NEMP2: variants seen among roughly 807,000 people sequenced by gnomAD.
NEMP2 encodes nuclear envelope integral membrane protein 2.
A neutral mutation model predicts 54.2 loss-of-function variants in NEMP2; 53 were observed. The ratio of observed to expected loss-of-function variants is 0.98; its 90% confidence interval spans 0.78 to 1.23. The LOEUF (loss-of-function observed/expected upper bound fraction) is 1.23, where lower values mean the gene tolerates loss of function less well. Ranked by LOEUF, NEMP2 falls within the 50% of genes most tolerant of loss-of-function variation. NEMP2 has a pLI of 0.00. For synonymous variants in NEMP2, 197 were observed against 190.3 expected (o/e 1.04, Z -0.29); for missense variants, 455 against 511.3 (o/e 0.89, Z 1.06).
At chr2:190,569,698 T>C in the NEMP2 span, among the ~76,000 whole-genome samples, 7 of 152,242 alleles carry the variant, frequency 4.6e-5, no homozygotes, top group African/African-American at 1.7e-4. Context: ...ACATCTTGGA[T>C]ATAAAAGGAA....
At chr2:190,534,971 C>A (rs1691321587), upstream of NEMP2, 1 of 250,182 alleles carries the variant, frequency 4.0e-6, no homozygotes, top group Non-Finnish European at 7.6e-6. Flanking sequence ...TCCAGGGCCT[C>A]ATCTTCCCCT....
chr2:190,515,216 C>T (rs1429832849), intron 6 of NEMP2, among the ~76,000 whole-genome samples: 1 of 152,090 alleles, frequency 6.6e-6, no homozygotes, highest in Non-Finnish European at 1.5e-5. Context: ...TTATATCTAA[C>T]CAAGCCTTGA....
chr2:190,447,879 AATATCTTACCATGTAAT>A, the NEMP2 span, among the ~76,000 whole-genome samples: 2 of 152,222 alleles, frequency 1.3e-5, no homozygotes, highest in South Asian at 4.1e-4. The surrounding 1 kb of genome is among the most constrained non-coding windows in gnomAD (Gnocchi z 4.5). Flanking sequence ...TTTGCAAAGA[AATATCTTACCATGTAAT>A]ATAGCTACCA....
At chr2:190,532,481 T>C (rs1691179479) in intron 1 of NEMP2, among the ~76,000 whole-genome samples, 1 of 152,196 alleles carries the variant, frequency 6.6e-6, no homozygotes, top group Non-Finnish European at 1.5e-5. Flanking sequence ...ACATGGTTTC[T>C]AGGGACCTCA....
chr2:190,480,043 G>A, the NEMP2 span, among the ~76,000 whole-genome samples: 2 of 152,244 alleles, frequency 1.3e-5, no homozygotes, highest in East Asian at 3.9e-4. Flanking sequence ...TGCGCCTGTG[G>A]TCCCAGCTAC....
At chr2:190,465,759 G>A in the NEMP2 span, among the ~76,000 whole-genome samples, 10 of 152,104 alleles carry the variant, frequency 6.6e-5, no homozygotes, top group Non-Finnish European at 1.2e-4. The surrounding 1 kb of genome is among the most constrained non-coding windows in gnomAD (Gnocchi z 4.6). Flanking sequence ...TTGGGAGGCC[G>A]AGGCAGGTGG....
At position 190,514,635 on chromosome 2, in the gene NEMP2, G is replaced by C; in HGVS notation, c.771C>G (p.Tyr257Ter). The C allele has an allele frequency of 6.4e-7, 1 of 1,551,702 alleles. No individual in the cohort carries two copies. Among genetic ancestry groups the C allele is most frequent in the Non-Finnish European group, 8.7e-7 (1 of 1,146,998 alleles). Reference sequence around the variant, plus strand: ...TGTCGTCTGCAAGGGGCCCATGCTTGTAACAAACAACAAAGCTGAAAAATC... The same window carrying C: ...TGTCGTCTGCAAGGGGCCCATGCTTCTAACAAACAACAAAGCTGAAAAATC... ...IVGFFSFVVC[Y>*]KHGPLADDRS... is the part of the protein sequence containing the mutation. The change falls in exon 7 of 9, where the codon TAC (tyrosine) becomes TAG (stop). Residue 257 changes from tyrosine to a stop codon, truncating the protein, a stop_gained. Coordinates refer to ENST00000409150, the MANE Select transcript of NEMP2 (RefSeq NM_001142645.2). LOFTEE classifies it high-confidence loss of function. This position sits in a 1 kb window ranked among gnomAD's most constrained non-coding sequence, Gnocchi z 5.7.
At chr2:190,438,419 C>T in the NEMP2 span, among the ~76,000 whole-genome samples, 3 of 152,154 alleles carry the variant, frequency 2.0e-5, no homozygotes, top group Admixed American at 6.5e-5. The surrounding 1 kb of genome is among the most constrained non-coding windows in gnomAD (Gnocchi z 5.2). Context: ...GGGAGGCTGA[C>T]GCACAAGAAT....
At chr2:190,539,524 A>C (rs1299548709), upstream of NEMP2, among the ~76,000 whole-genome samples, 2 of 152,170 alleles carry the variant, frequency 1.3e-5, no homozygotes, top group African/African-American at 2.4e-5. This position sits in a 1 kb window ranked among gnomAD's most constrained non-coding sequence, Gnocchi z 4.1. Context: ...TTGAATTTGT[A>C]GATCACTTTG....
At chr2:190,556,022 A>G in the NEMP2 span, among the ~76,000 whole-genome samples, 18 of 152,260 alleles carry the variant, frequency 1.2e-4, no homozygotes, top group East Asian at 2.5e-3. Context: ...GAGACACAAC[A>G]AAAAAAGAAA....
Position 190,514,583 on chromosome 2 carries a change from GCATC to G in NEMP2, c.819_822del (p.Trp273CysfsTer24), listed in dbSNP as rs1559157802. On this transcript the variant is annotated frameshift_variant, in exon 7 of 9. Coordinates refer to ENST00000409150, the MANE Select transcript of NEMP2 (RefSeq NM_001142645.2). LOFTEE classifies it high-confidence loss of function. This position sits in a 1 kb window ranked among gnomAD's most constrained non-coding sequence, Gnocchi z 5.7. Reference sequence around the variant, plus strand: ...ACCAGAACCAGGGAGAGGAGTCGCAGCATCCACATCAGAAGACTTCTGCTCCTGT... The same window carrying G: ...ACCAGAACCAGGGAGAGGAGTCGCAGCACATCAGAAGACTTCTGCTCCTGT... 2.6e-6 allele frequency: 4 copies of G among 1,551,744 alleles called. No homozygotes were observed. In the South Asian group the frequency reaches 4.8e-5, roughly 18 times the overall value.
At chr2:190,634,406 T>C in the NEMP2 span, among the ~76,000 whole-genome samples, 1 of 152,188 alleles carries the variant, frequency 6.6e-6, no homozygotes, top group Non-Finnish European at 1.5e-5. This position sits in a 1 kb window ranked among gnomAD's most constrained non-coding sequence, Gnocchi z 6.8. Flanking sequence ...TTAAGAATAT[T>C]CAATTCTGCT....
In NEMP2 at chr2:190,528,607, G is replaced by A. The variant is rs545218521; in HGVS notation, c.98-3229C>T. 1.3e-5 allele frequency among the ~76,000 whole-genome samples: 2 copies of A among 152,256 alleles called. No homozygotes were observed. The highest frequency in any genetic ancestry group is 4.8e-5 in the African/African-American group (2 of 41,550). On this transcript the variant is annotated intron_variant, in intron 1 of 8. Coordinates refer to ENST00000409150, the MANE Select transcript of NEMP2 (RefSeq NM_001142645.2). This position sits in a 1 kb window ranked among gnomAD's most constrained non-coding sequence, Gnocchi z 4.3. ...CCACCCATGTGCTCAATGCTAGATG[G>A]GCTTTTCTTGTGGGTGCCTCCAAAG... is the stretch of plus-strand genomic sequence containing the variant.
chr2:190,431,457 C>T, the NEMP2 span, among the ~76,000 whole-genome samples: 2 of 152,258 alleles, frequency 1.3e-5, no homozygotes, highest in Non-Finnish European at 2.9e-5. This position sits in a 1 kb window ranked among gnomAD's most constrained non-coding sequence, Gnocchi z 4.4. Flanking sequence ...AATCCCGGCA[C>T]CTCTGGAGGC....
the NEMP2 span, among the ~76,000 whole-genome samples, chr2:190,431,698 AG>A: frequency 1.1e-5 from 1 of 92,252 alleles, no homozygotes; most frequent in Non-Finnish European, 3.2e-5. This position sits in a 1 kb window ranked among gnomAD's most constrained non-coding sequence, Gnocchi z 4.4. Context: ...CCGTGGAAAG[AG>A]AGGGAGAGGG....
rs990195742 is a variant in NEMP2, at chr2:190,530,715, T to C, written c.97+3844A>G. Among the ~76,000 whole-genome samples, 49 of 152,248 alleles carry C rather than the reference T, an allele frequency of 3.2e-4. 1 individual carries two copies. Among genetic ancestry groups the C allele is most frequent in the Non-Finnish European group, 1.2e-4 (8 of 68,044 alleles). Reference sequence around the variant, plus strand: ...GAAACAGAGCCAGTTTGACTGCTTATTTGAACTCTATGGCTGATTATGCCC... The same window carrying C: ...GAAACAGAGCCAGTTTGACTGCTTACTTGAACTCTATGGCTGATTATGCCC... On this transcript the variant is annotated intron_variant, in intron 1 of 8. Coordinates refer to ENST00000409150, the MANE Select transcript of NEMP2 (RefSeq NM_001142645.2). This position sits in a 1 kb window ranked among gnomAD's most constrained non-coding sequence, Gnocchi z 4.6.
chr2:190,562,313 C>G, the NEMP2 span, among the ~76,000 whole-genome samples: 1 of 152,158 alleles, frequency 6.6e-6, no homozygotes, highest in East Asian at 1.9e-4. This position sits in a 1 kb window ranked among gnomAD's most constrained non-coding sequence, Gnocchi z 5.0. Flanking sequence ...CCAGTCCCTC[C>G]CATCTGCCCA....
chr2:190,427,141 G>C, the NEMP2 span, among the ~76,000 whole-genome samples: 1 of 152,234 alleles, frequency 6.6e-6, no homozygotes, highest in Non-Finnish European at 1.5e-5. Context: ...CCCCAGTGGG[G>C]AAAGGTAAGG....
the NEMP2 span, among the ~76,000 whole-genome samples, chr2:190,542,717 G>C: frequency 1.7e-4 from 26 of 152,192 alleles, no homozygotes; most frequent in South Asian, 5.4e-3. This position sits in a 1 kb window ranked among gnomAD's most constrained non-coding sequence, Gnocchi z 4.6. Flanking sequence ...TCAGTTCTAA[G>C]ATTTCTATTT....
Sources: allele counts gnomAD v4.1 joint callset (sites outside exome capture counted in the v4.1 genomes callset), GRCh38; gene constraint gnomAD v4.1.1; non-coding constraint Gnocchi (gnomAD v3.1); transcripts MANE v1.5; gene names NCBI Gene and HGNC (gene_info 2026-07-23, HGNC 2026-07-21).